KCNIP1: variants seen among roughly 807,000 people sequenced by gnomAD.
KCNIP1 encodes the protein A-type potassium channel modulatory protein KCNIP1.
A neutral mutation model predicts 33.0 loss-of-function variants in KCNIP1; 18 were observed. The observed-to-expected ratio is 0.55, with a 90% confidence interval of 0.38 to 0.81. The LOEUF (loss-of-function observed/expected upper bound fraction) is 0.81. Ranked by LOEUF, KCNIP1 falls within the 30% of genes least tolerant of loss-of-function variation. The pLI is 0.00. For synonymous variants in KCNIP1, 93 were observed against 98.3 expected (o/e 0.95, Z 0.32); for missense variants, 238 against 271.6 (o/e 0.88, Z 0.87).
rs371493154 is a variant in KCNIP1 at position 170,721,907 on chromosome 5, C to T, written c.327+4C>T. On this transcript the variant is annotated splice_donor_region_variant and intron_variant, in intron 4 of 7. Coordinates refer to ENST00000328939, the MANE Select transcript of KCNIP1 (RefSeq NM_014592.4). ...GACAGGCTCCGTGAAGTTCGAGGTA[C>T]GCTCATCTGGGGTCCACTCTAGGGG... is the stretch of plus-strand genomic sequence containing the variant. 1,253 of 1,614,112 alleles carry T rather than the reference C, an allele frequency of 7.8e-4. 8 individuals are homozygous for T. The highest frequency in any genetic ancestry group is 7.3e-3 in the South Asian group (668 of 91,074).
At chr5:170,508,812 T>C (rs985416422) in intron 1 of KCNIP1, among the ~76,000 whole-genome samples, 1 of 152,158 alleles carries the variant, frequency 6.6e-6, no homozygotes, top group Admixed American at 6.5e-5. Flanking sequence ...CAGAGAGAAG[T>C]GATTTCTCCC....
chr5:170,476,530 G>T (rs1756861252), intron 1 of KCNIP1, among the ~76,000 whole-genome samples: 1 of 152,100 alleles, frequency 6.6e-6, no homozygotes. Flanking sequence ...AATATGAATA[G>T]AAAAATTTTT....
At chr5:170,558,937 G>C (rs1561686380) in intron 1 of KCNIP1, among the ~76,000 whole-genome samples, 1 of 152,126 alleles carries the variant, frequency 6.6e-6, no homozygotes, top group African/African-American at 2.4e-5. Context: ...ACCTCCCAGG[G>C]CCTCAGTTTC....
intron 1 of KCNIP1, among the ~76,000 whole-genome samples, chr5:170,456,701 T>TTTTTCTTTCTTTCTTTCTTTCTTTCTTTC (rs1756386835): frequency 7.4e-6 from 1 of 135,680 alleles, no homozygotes; most frequent in African/African-American, 3.0e-5. Flanking sequence ...CTCTCTCTCT[T>TTTTTCTTTCTTTCTTTCTTTCTTTCTTTC]TTTCTTTCTT....
At chr5:170,551,252 G>A (rs1196314572) in intron 1 of KCNIP1, among the ~76,000 whole-genome samples, 1 of 152,140 alleles carries the variant, frequency 6.6e-6, no homozygotes, top group African/African-American at 2.4e-5. Context: ...ATGTTCCTTT[G>A]CCTAGGTTCC....
chr5:170,618,122 G>T (rs1204449413), intron 1 of KCNIP1, among the ~76,000 whole-genome samples: 1 of 152,108 alleles, frequency 6.6e-6, no homozygotes, highest in Non-Finnish European at 1.5e-5. Context: ...AGTGTCCTTG[G>T]CAATTTGTCC....
intron 7 of KCNIP1, 89 bp downstream of exon 7, chr5:170,733,987 C>T: frequency 3.3e-6 from 3 of 922,578 alleles, no homozygotes; most frequent in South Asian, 1.5e-5. Flanking sequence ...TGATGAGAAA[C>T]CTGCACATAC....
intron 1 of KCNIP1, chr5:170,354,086 T>C: frequency 1.1e-6 from 1 of 947,930 alleles, no homozygotes; most frequent in Non-Finnish European, 1.6e-6. Context: ...CTGGGGAAAT[T>C]GGTGGCTGGG....
intron 1 of KCNIP1, among the ~76,000 whole-genome samples, chr5:170,429,789 A>T (rs990881656): frequency 6.6e-6 from 1 of 152,300 alleles, no homozygotes; most frequent in African/African-American, 2.4e-5. Context: ...GCTGCAAAAG[A>T]CGCCTCACAG....
chr5:170,420,540 A>AAAT (rs1554091197), intron 1 of KCNIP1: 1 of 151,880 alleles, frequency 6.6e-6, no homozygotes, highest in African/African-American at 2.4e-5. Context: ...ACTCAAAAAA[A>AAAT]AAAAAAATAA....
intron 1 of KCNIP1, among the ~76,000 whole-genome samples, chr5:170,698,096 G>A (rs1762960421): frequency 6.6e-6 from 1 of 152,182 alleles, no homozygotes; most frequent in Non-Finnish European, 1.5e-5. Context: ...AGACCCAAGA[G>A]CTGTGGGAAT....
At chr5:170,514,353 C>G (rs1755049773) in intron 1 of KCNIP1, among the ~76,000 whole-genome samples, 1 of 152,172 alleles carries the variant, frequency 6.6e-6, no homozygotes. Context: ...TCCCAGATGT[C>G]CAAATTGTGC....
intron 1 of KCNIP1, chr5:170,712,812 C>T (rs1581533139): frequency 1.1e-5 from 17 of 1,603,628 alleles, no homozygotes; most frequent in Middle Eastern, 1.7e-4. Flanking sequence ...TTTTGCTTTT[C>T]GATGAATCGA....
intron 1 of KCNIP1, among the ~76,000 whole-genome samples, chr5:170,447,205 GA>G (rs1756139853): frequency 6.9e-6 from 1 of 143,962 alleles, no homozygotes. Flanking sequence ...TACTGCAAGA[GA>G]GAGGCAAACC....
At chr5:170,563,844 TG>T (rs1254919753) in intron 1 of KCNIP1, among the ~76,000 whole-genome samples, 1 of 152,200 alleles carries the variant, frequency 6.6e-6, no homozygotes, top group Non-Finnish European at 1.5e-5. Flanking sequence ...TTCTCCATGT[TG>T]GTCAGGCTGG....
At chr5:170,464,694 G>A (rs961312188) in intron 1 of KCNIP1, among the ~76,000 whole-genome samples, 1 of 152,094 alleles carries the variant, frequency 6.6e-6, no homozygotes, top group African/African-American at 2.4e-5. Flanking sequence ...TCTGCCCTAA[G>A]TATAAAGACA....
At chr5:170,505,154 C>A (rs1250648705) in intron 1 of KCNIP1, among the ~76,000 whole-genome samples, 4 of 152,218 alleles carry the variant, frequency 2.6e-5, no homozygotes, top group African/African-American at 9.6e-5. Context: ...GTAAAACTCC[C>A]AGGCCTCATG....
At chr5:170,670,908 A>T (rs552637966) in intron 1 of KCNIP1, among the ~76,000 whole-genome samples, 9 of 132,278 alleles carry the variant, frequency 6.8e-5, no homozygotes, top group East Asian at 2.1e-4. Context: ...AAAACAAAAA[A>T]AAAAATAAAA....
chr5:170,476,102 C>G (rs1222321563), intron 1 of KCNIP1, among the ~76,000 whole-genome samples: 1 of 152,086 alleles, frequency 6.6e-6, no homozygotes, highest in African/African-American at 2.4e-5. Context: ...TCCTGACTAG[C>G]TGTGACTACA....
Sources: gnomAD v4.1 joint callset for allele counts (sites outside exome capture counted in the v4.1 genomes callset) on GRCh38, gnomAD v4.1.1 for gene constraint, MANE v1.5 for transcripts, NCBI Gene and HGNC (gene_info 2026-07-23, HGNC 2026-07-21) for gene names.